MDN1: variants seen among roughly 807,000 people sequenced by gnomAD.
MDN1 encodes the protein midasin AAA ATPase 1.
A neutral mutation model predicts 669.2 loss-of-function variants in MDN1; 266 were observed. The observed-to-expected ratio is 0.40, with a 90% CI of 0.36 to 0.44. MDN1 has a LOEUF of 0.44. MDN1 is among the 20% of genes least tolerant of loss of function. MDN1 has a pLI of 1.00. For synonymous variants in MDN1, 2,385 were observed against 2,457.1 expected (o/e 0.97, Z 0.87); for missense variants, 5,940 against 6,754.0 (o/e 0.88, Z 4.22).
At chr6:89,720,139 A>G (rs990145699) in intron 40 of MDN1, among the ~76,000 whole-genome samples, 1 of 152,214 alleles carries the variant, frequency 6.6e-6, no homozygotes, top group African/African-American at 2.4e-5. Flanking sequence ...AATCATAATC[A>G]GTGTCAAACA....
At chr6:89,777,897 AG>A (rs34649523) in intron 11 of MDN1, among the ~76,000 whole-genome samples, 4 of 152,156 alleles carry the variant, frequency 2.6e-5, no homozygotes, top group Non-Finnish European at 5.9e-5. Flanking sequence ...CTGAGTTAAC[AG>A]GGAGATTGAT....
At position 89,683,222 on chromosome 6, in the gene MDN1, T is replaced by TG; in HGVS notation, c.12011dup (p.Thr4005AsnfsTer7). On this transcript the variant is annotated frameshift_variant, in exon 73 of 102. Coordinates refer to ENST00000369393, the MANE Select transcript of MDN1 (RefSeq NM_014611.3). LOFTEE classifies it high-confidence loss of function. ...ACAGTTCACTTGCAGCTCCATCTGT[T>TG]GGCCTGGGCAAAAAGTCAGGCTGTT... The TG allele has an allele frequency of 6.2e-7, 1 of 1,614,110 alleles. No homozygotes were observed. Among genetic ancestry groups the TG allele is most frequent in the Non-Finnish European group, 8.5e-7 (1 of 1,180,006 alleles).
At chr6:89,712,838 C>A in intron 47 of MDN1, 52 bp from the exon 48 acceptor site, 9 of 1,531,236 alleles carry the variant, frequency 5.9e-6, no homozygotes, top group Non-Finnish European at 7.2e-6. Context: ...AAGTGATATT[C>A]CCCAAAAACC....
rs981410436 is a variant in MDN1 at position 89,654,762 on chromosome 6, G to A, written c.15491-428C>T. Among the ~76,000 whole-genome samples, 4 of 152,304 alleles carry A rather than the reference G, an allele frequency of 2.6e-5. No individual in the cohort carries two copies. The South Asian group carries it at 8.3e-4, about 32-fold the overall frequency. ...TTCCCAACACAAAGAAATGATAAAT[G>A]TTTGAGGTGGTAGATAAGCTAATTA... On this transcript the variant is annotated intron_variant, in intron 92 of 101. Transcript: ENST00000369393.
chr6:89,706,952 A>G (rs1813557269), intron 52 of MDN1, among the ~76,000 whole-genome samples: 1 of 152,146 alleles, frequency 6.6e-6, no homozygotes, highest in Non-Finnish European at 1.5e-5. Flanking sequence ...ATTAACAAAA[A>G]AAAAACATGG....
chr6:89,783,978 T>C (rs1278720065), intron 9 of MDN1, among the ~76,000 whole-genome samples: 2 of 142,268 alleles, frequency 1.4e-5, no homozygotes, highest in African/African-American at 5.2e-5. Context: ...AAAGACTCCA[T>C]CTCAAAAAAA....
chr6:89,781,847 C>T (rs761391246), intron 9 of MDN1, among the ~76,000 whole-genome samples: 10 of 152,150 alleles, frequency 6.6e-5, no homozygotes, highest in East Asian at 3.9e-4. Context: ...AACATGGGCA[C>T]GGTGCCGTGT....
At chr6:89,746,607 AAAAAAAAG>A in intron 27 of MDN1, among the ~76,000 whole-genome samples, 1 of 72,304 alleles carries the variant, frequency 1.4e-5, no homozygotes, top group South Asian at 5.9e-4. Flanking sequence ...AAAAAAAAAA[AAAAAAAAG>A]AAAGAAAGAA....
chr6:89,687,473 T>A, intron 67 of MDN1, 35 bp from the exon 68 acceptor site: 1 of 1,572,322 alleles, frequency 6.4e-7, no homozygotes. Flanking sequence ...CTACAGATAT[T>A]ATTCAATGCC....
intron 77 of MDN1, 79 bp downstream of exon 77, chr6:89,676,023 G>C (rs1031923654): frequency 4.6e-6 from 6 of 1,293,944 alleles, no homozygotes; most frequent in Non-Finnish European, 6.7e-6. Context: ...ACTTAACAAG[G>C]TCTGAGAATA....
chr6:89,758,326 G>A lies in MDN1; in HGVS notation c.2631C>T (p.Phe877=). 1 of 1,611,034 alleles carries A rather than the reference G, an allele frequency of 6.2e-7. No individual in the cohort carries two copies. The highest frequency in any genetic ancestry group is 1.3e-5 in the African/African-American group (1 of 75,042). ...CTGGATTCATACAGGCAAATAAACG[G>A]AAGTCAGGATGCCGAACCAGTGGCT... ...DTEPLVRHPD[F]RLFACMNPAT... Residue 877 remains phenylalanine, a synonymous_variant, in exon 19 of 102, where the codon TTC becomes TTT. Coordinates refer to ENST00000369393, the MANE Select transcript of MDN1 (RefSeq NM_014611.3).
chr6:89,745,852 A>T (rs2128317864), intron 27 of MDN1, among the ~76,000 whole-genome samples: 1 of 152,352 alleles, frequency 6.6e-6, no homozygotes, highest in East Asian at 1.9e-4. Context: ...GTGTCGAAAG[A>T]CATAAGCAGG....
In MDN1 at chr6:89,689,917, C is replaced by A; in HGVS notation, c.10976G>T (p.Cys3659Phe). The change falls in exon 65 of 102, where the codon TGC (cysteine) becomes TTC (phenylalanine). Residue 3659 changes from cysteine to phenylalanine, a missense_variant. Around this residue, in one of 5 missense-constraint regions of MDN1, gnomAD observed 2,280 missense variants for 2,576.3 expected, o/e 0.88. Coordinates refer to ENST00000369393, the MANE Select transcript of MDN1 (RefSeq NM_014611.3). Reference sequence around the variant, plus strand: ...CACAAGCGATGCCCCAGTCTGATAGCAAGACAGAAACAGGCTGAGGTAATG... The same window carrying A: ...CACAAGCGATGCCCCAGTCTGATAGAAAGACAGAAACAGGCTGAGGTAATG... ...AKHYLSLFLS[C>F]YQTGASLVTH... The A allele has an allele frequency of 6.2e-7, 1 of 1,614,182 alleles. No individual in the cohort carries two copies. Among genetic ancestry groups the A allele is most frequent in the Non-Finnish European group, 8.5e-7 (1 of 1,180,028 alleles).
rs1354674244 is a variant in MDN1 at position 89,678,670 on chromosome 6, G to A, written c.12341C>T (p.Ser4114Leu). The change falls in exon 75 of 102, where the codon TCA becomes TTA. Residue 4114 changes from serine (S) to leucine (L), a missense_variant. Ser to Leu is a moderately radical substitution (Grantham distance 145). Coordinates refer to ENST00000369393, the MANE Select transcript of MDN1 (RefSeq NM_014611.3). ...TTGCATGAGAATGTGCTTGGCTTCT[G>A]ACCGCTGCTTCTCCTTCTCTGCAGA... is the stretch of plus-strand genomic sequence containing the variant. ...EPSAEKEKQR[S>L]EAKHILMQKQ... 3 of 1,614,124 alleles carry A rather than the reference G, an allele frequency of 1.9e-6. No individual in the cohort carries two copies. Among genetic ancestry groups the A allele is most frequent in the Admixed American group, 3.3e-5 (2 of 60,014 alleles).
chr6:89,725,159 C>T (rs755496144), intron 38 of MDN1, 40 bp downstream of exon 38: 3 of 1,580,340 alleles, frequency 1.9e-6, no homozygotes, highest in Admixed American at 1.7e-5. Context: ...TTATCCCCTC[C>T]GAGTCTATCT....
Position 89,749,660 on chromosome 6 carries a change from C to A in MDN1, c.3498G>T (p.Arg1166Ser). 1 of 1,614,130 alleles carries A rather than the reference C, an allele frequency of 6.2e-7. No homozygotes were observed. The change falls in exon 25 of 102, where the codon AGG (arginine) becomes AGT (serine). Residue 1166 changes from arginine to serine, a missense_variant. Physicochemically the swap from Arg to Ser is moderately radical, Grantham distance 110 (BLOSUM62 -1). This residue lies in a region of MDN1 where 2,292 missense variants were observed against 2,638.3 expected (regional missense o/e 0.87). Transcript: ENST00000369393. The part of the protein sequence containing the change: ...APTDVLEALN[R>S]LLDDNRELLV... ...GCAATTCACGGTTATCATCCAACAGCCTATTCAGCGCCTCTAACACATCAG... is the reference window on the plus strand; with the variant it reads ...GCAATTCACGGTTATCATCCAACAGACTATTCAGCGCCTCTAACACATCAG...
chr6:89,662,236 C>A lies in MDN1; in HGVS notation c.14416G>T (p.Asp4806Tyr). The change falls in exon 87 of 102, where the codon GAT becomes TAT. Residue 4806 changes from aspartate to tyrosine, a missense_variant. Around this residue, in one of 5 missense-constraint regions of MDN1, gnomAD observed 2,280 missense variants for 2,576.3 expected, o/e 0.88. Coordinates refer to ENST00000369393, the MANE Select transcript of MDN1 (RefSeq NM_014611.3). Reference sequence around the variant, plus strand: ...TCATCTTTAGCAACAAGTTCAGAATCTTCCTAAATGTCAGAGGAAGAAAAA... The same window carrying A: ...TCATCTTTAGCAACAAGTTCAGAATATTCCTAAATGTCAGAGGAAGAAAAA... ...EETGPGMDEE[D>Y]SELVAKDDNL... is the part of the protein sequence containing the mutation. 6.2e-7 allele frequency: 1 copy of A among 1,608,012 alleles called. No homozygotes were observed. The highest frequency in any genetic ancestry group is 8.5e-7 in the Non-Finnish European group (1 of 1,178,616).
chr6:89,793,244 G>A (rs957083126), intron 5 of MDN1, among the ~76,000 whole-genome samples: 2 of 152,208 alleles, frequency 1.3e-5, no homozygotes, highest in African/African-American at 4.8e-5. Flanking sequence ...TTGCCACAGA[G>A]CAGTCCAAGG....
Position 89,745,477 on chromosome 6 carries a change from T to C in MDN1, c.4039+15A>G. 6.2e-7 allele frequency: 1 copy of C among 1,613,888 alleles called. No homozygotes were observed. The highest frequency in any genetic ancestry group is 1.1e-5 in the South Asian group (1 of 91,034). On this transcript the variant is annotated intron_variant, in intron 28 of 101. Transcript: ENST00000369393. ...AACTCAAATCATATTCCTCTAGGGA[T>C]TTTGGCCTACTCACCCAGCAATTTT...
Sources: gnomAD v4.1 joint callset for allele counts (sites outside exome capture counted in the v4.1 genomes callset) on GRCh38, gnomAD v4.1.1 for gene constraint, gnomAD v4.1.1 regional missense constraint, MANE v1.5 for transcripts, NCBI Gene and HGNC (gene_info 2026-07-23, HGNC 2026-07-21) for gene names.